Variants in DCC observed in about 807,000 individuals in gnomAD.
DCC encodes the protein netrin receptor DCC.
A neutral mutation model predicts 172.5 loss-of-function variants in DCC; 58 were observed. The observed-to-expected ratio is 0.34, with a 90% CI of 0.27 to 0.42. The LOEUF (loss-of-function observed/expected upper bound fraction) is 0.42. DCC is among the 10% of genes least tolerant of loss of function. The pLI is 1.00. For synonymous variants in DCC, 709 were observed against 644.5 expected (o/e 1.10, Z -1.52); for missense variants, 1,740 against 1,791.0 (o/e 0.97, Z 0.51).
At chr18:52,394,283 T>C (rs1425329428) in intron 1 of DCC, among the ~76,000 whole-genome samples, 1 of 152,024 alleles carries the variant, frequency 6.6e-6, no homozygotes, top group African/African-American at 2.4e-5. Flanking sequence ...ATTATTATTA[T>C]TGAGACAGGG....
At chr18:53,343,119 G>A (rs1021514512) in intron 15 of DCC, among the ~76,000 whole-genome samples, 2 of 151,620 alleles carry the variant, frequency 1.3e-5, no homozygotes, top group Non-Finnish European at 3.0e-5. Context: ...TATGTGAACA[G>A]AAAGTTTTAT....
At chr18:52,557,870 G>T (rs1280298243) in intron 1 of DCC, among the ~76,000 whole-genome samples, 2 of 152,186 alleles carry the variant, frequency 1.3e-5, no homozygotes, top group East Asian at 1.9e-4. Flanking sequence ...ATGTTGGCTA[G>T]ACTGGTTTCG....
chr18:53,454,817 G>A (rs1030420586), intron 23 of DCC, among the ~76,000 whole-genome samples: 3 of 152,164 alleles, frequency 2.0e-5, no homozygotes, highest in South Asian at 2.1e-4. Context: ...ACTTGTTAAC[G>A]TTTTAATTGG....
At chr18:52,907,321 TATATCCATATGGATATATACATATATC>T (rs1355668280) in intron 3 of DCC, among the ~76,000 whole-genome samples, 1 of 61,414 alleles carries the variant, frequency 1.6e-5, no homozygotes, top group Non-Finnish European at 4.4e-5. Context: ...TGTATATGTA[TATATCCATATGGATATATACATATATC>T]ATGTATATAT....
intron 18 of DCC, among the ~76,000 whole-genome samples, chr18:53,399,275 A>T (rs1028166304): frequency 2.0e-5 from 3 of 151,978 alleles, no homozygotes; most frequent in African/African-American, 7.2e-5. Context: ...CACCTTTTTT[A>T]TTTCCTTGTA....
At chr18:53,283,379 C>A (rs2056895563) in intron 12 of DCC, among the ~76,000 whole-genome samples, 1 of 152,042 alleles carries the variant, frequency 6.6e-6, no homozygotes, top group South Asian at 2.1e-4. Flanking sequence ...CTTCCTTCCC[C>A]TATTTCTCTC....
intron 12 of DCC, among the ~76,000 whole-genome samples, chr18:53,232,486 C>G (rs2056137657): frequency 6.6e-6 from 1 of 152,154 alleles, no homozygotes; most frequent in Admixed American, 6.6e-5. Flanking sequence ...TGCTGACAAA[C>G]TGCATGTCTT....
intron 1 of DCC, among the ~76,000 whole-genome samples, chr18:52,370,763 A>G (rs181719636): frequency 6.6e-6 from 1 of 152,374 alleles, no homozygotes; most frequent in East Asian, 1.9e-4. Flanking sequence ...TCAGAAAGCA[A>G]TAAGATTGAA....
intron 2 of DCC, among the ~76,000 whole-genome samples, chr18:52,828,967 C>G (rs1484285173): frequency 6.6e-6 from 1 of 152,148 alleles, no homozygotes; most frequent in African/African-American, 2.4e-5. Flanking sequence ...GTTTTGATTT[C>G]AGCTATGTAT....
intron 27 of DCC, among the ~76,000 whole-genome samples, chr18:53,513,442 G>C (rs1319930904): frequency 2.0e-5 from 3 of 152,130 alleles, no homozygotes; most frequent in Non-Finnish European, 4.4e-5. Context: ...CATAATGACA[G>C]GATCAAATTC....
At chr18:53,090,231 C>A (rs1450635543) in intron 7 of DCC, among the ~76,000 whole-genome samples, 1 of 152,128 alleles carries the variant, frequency 6.6e-6, no homozygotes, top group Non-Finnish European at 1.5e-5. Context: ...AACTGTATTT[C>A]TTTAAAGGCA....
intron 1 of DCC, among the ~76,000 whole-genome samples, chr18:52,559,904 A>C (rs1207578838): frequency 6.6e-6 from 1 of 152,152 alleles, no homozygotes; most frequent in Non-Finnish European, 1.5e-5. Context: ...TTTTTCATTT[A>C]TTATTTCCTC....
chr18:52,926,087 C>G (rs1030670780), intron 5 of DCC, among the ~76,000 whole-genome samples: 6 of 151,714 alleles, frequency 4.0e-5, no homozygotes, highest in African/African-American at 1.5e-4. Flanking sequence ...ATTTCAGTTG[C>G]TTTTTTTCTG....
intron 1 of DCC, among the ~76,000 whole-genome samples, chr18:52,519,690 G>A (rs2031749033): frequency 1.3e-5 from 2 of 152,160 alleles, no homozygotes; most frequent in Admixed American, 6.5e-5. Flanking sequence ...GTGGAGCCCA[G>A]GAGGGATCCA....
At chr18:53,279,441 GA>G (rs997582918) in intron 12 of DCC, among the ~76,000 whole-genome samples, 28 of 145,364 alleles carry the variant, frequency 1.9e-4, no homozygotes, top group African/African-American at 6.4e-4. Flanking sequence ...GGTGGGAATT[GA>G]ACAATGAGAA....
At chr18:52,612,349 T>C (rs2034292097) in intron 1 of DCC, among the ~76,000 whole-genome samples, 1 of 152,036 alleles carries the variant, frequency 6.6e-6, no homozygotes, top group Non-Finnish European at 1.5e-5. Context: ...TCCCATCAGT[T>C]CTCCTCTTAA....
intron 5 of DCC, among the ~76,000 whole-genome samples, chr18:52,927,275 A>G (rs1398183916): frequency 1.3e-5 from 2 of 148,540 alleles, no homozygotes; most frequent in Non-Finnish European, 3.0e-5. Context: ...ATATATACTT[A>G]TATGTGTGTA....
chr18:52,712,114 C>T (rs1421658696), intron 1 of DCC, among the ~76,000 whole-genome samples: 1 of 152,114 alleles, frequency 6.6e-6, no homozygotes, highest in African/African-American at 2.4e-5. Context: ...GCACACACCA[C>T]CACACCCAGC....
intron 1 of DCC, among the ~76,000 whole-genome samples, chr18:52,365,543 G>A (rs371786169): frequency 6.6e-6 from 1 of 152,018 alleles, no homozygotes; most frequent in South Asian, 2.1e-4. Flanking sequence ...TATGGTCTGA[G>A]GTACGAGGGG....
Sources: gnomAD v4.1 joint callset for allele counts (sites outside exome capture counted in the v4.1 genomes callset) on GRCh38, gnomAD v4.1.1 for gene constraint, MANE v1.5 for transcripts, NCBI Gene and HGNC (gene_info 2026-07-23, HGNC 2026-07-21) for gene names.